The following LARGE1 variants were observed in gnomAD, a reference collection of about 807,000 sequenced individuals.
LARGE1 encodes xylosyl- and glucuronyltransferase LARGE1.
In LARGE1, 43 loss-of-function variants were observed where a neutral mutation model predicts 87.6. The ratio of observed to expected loss-of-function variants is 0.49; its 90% CI spans 0.38 to 0.63. LARGE1 has a LOEUF of 0.63. LARGE1 is among the 30% of genes least tolerant of loss of function. LARGE1 has a pLI of 0.00. For synonymous variants in LARGE1, 434 were observed against 394.6 expected (o/e 1.10, Z -1.18); for missense variants, 802 against 1,000.2 (o/e 0.80, Z 2.67).
In LARGE1 at chr22:33,772,566, T is replaced by C. The variant is rs2085103765; in HGVS notation, c.-82-11008A>G. 1.3e-5 allele frequency among the ~76,000 whole-genome samples: 2 copies of C among 152,180 alleles called. 1 individual carries two copies. Among genetic ancestry groups the C allele is most frequent in the South Asian group, 4.2e-4 (2 of 4,806 alleles). On this transcript the variant is annotated intron_variant, in intron 1 of 14. Coordinates refer to ENST00000397394, the MANE Select transcript of LARGE1 (RefSeq NM_133642.5). ...TTGGGCTCTTTGCTGGACTGCATCC[T>C]TATCCCTCTAGACTGGATCTTGAAT...
chr22:33,527,436 G>A (rs193021649), intron 6 of LARGE1, among the ~76,000 whole-genome samples: 1 of 152,352 alleles, frequency 6.6e-6, no homozygotes, highest in East Asian at 1.9e-4. Context: ...TGGAGACACA[G>A]AGCCAAGGCG....
At chr22:33,725,372 G>C (rs984402142) in intron 2 of LARGE1, among the ~76,000 whole-genome samples, 2 of 152,214 alleles carry the variant, frequency 1.3e-5, no homozygotes, top group African/African-American at 4.8e-5. Context: ...AGCAGCAACT[G>C]TGCAATAGTG....
At chr22:33,471,824 G>A (rs771203245) in intron 6 of LARGE1, among the ~76,000 whole-genome samples, 1 of 152,170 alleles carries the variant, frequency 6.6e-6, no homozygotes, top group Non-Finnish European at 1.5e-5. Flanking sequence ...CATGAGGTCA[G>A]GAGTTCTAGA....
At chr22:33,246,386 C>A (rs554012236) in intron 11 of LARGE1, among the ~76,000 whole-genome samples, 61 of 152,292 alleles carry the variant, frequency 4.0e-4, no homozygotes, top group Admixed American at 1.0e-3. Context: ...TGGCTCACCC[C>A]TTTAATCCTA....
At chr22:33,656,455 C>A (rs181514196) in intron 2 of LARGE1, among the ~76,000 whole-genome samples, 1 of 152,098 alleles carries the variant, frequency 6.6e-6, no homozygotes, top group Non-Finnish European at 1.5e-5. Context: ...ATTATGGGGG[C>A]TACAATTCAA....
the LARGE1 span, among the ~76,000 whole-genome samples, chr22:33,067,946 C>G: frequency 6.6e-6 from 1 of 151,826 alleles, no homozygotes; most frequent in East Asian, 1.9e-4. Flanking sequence ...CATCACTGCA[C>G]TCCAGCCCGG....
chr22:33,575,103 A>G (rs528352555), intron 5 of LARGE1, among the ~76,000 whole-genome samples: 2 of 152,230 alleles, frequency 1.3e-5, no homozygotes, highest in African/African-American at 4.8e-5. Flanking sequence ...CGTATTTTAA[A>G]ACCAGCACCC....
the LARGE1 span, among the ~76,000 whole-genome samples, chr22:33,103,396 G>A: frequency 8.6e-6 from 1 of 116,406 alleles, no homozygotes; most frequent in Non-Finnish European, 1.6e-5. Flanking sequence ...TTGTGCCACT[G>A]CACTCCAGCC....
intron 1 of LARGE1, among the ~76,000 whole-genome samples, chr22:33,891,449 A>AAC (rs1454850200): frequency 3.7e-4 from 56 of 152,132 alleles, no homozygotes; most frequent in Non-Finnish European, 1.5e-5. Context: ...TAAAAAAAAA[A>AAC]AAAACTGTAT....
intron 6 of LARGE1, among the ~76,000 whole-genome samples, chr22:33,485,468 G>A (rs923716757): frequency 9.2e-5 from 14 of 151,940 alleles, no homozygotes; most frequent in Admixed American, 3.3e-4. Flanking sequence ...CCACCCCCTC[G>A]GCCTCCCAAA....
At chr22:33,523,193 G>A (rs1169371010) in intron 6 of LARGE1, among the ~76,000 whole-genome samples, 5 of 151,750 alleles carry the variant, frequency 3.3e-5, no homozygotes, top group African/African-American at 1.2e-4. Context: ...TAGTAGAGAC[G>A]GGGTTTCACC....
the LARGE1 span, among the ~76,000 whole-genome samples, chr22:33,090,994 C>T: frequency 6.6e-6 from 1 of 152,152 alleles, no homozygotes; most frequent in African/African-American, 2.4e-5. Flanking sequence ...CTGTCATTGC[C>T]ATCCATCATC....
At chr22:33,896,315 G>C (rs1601870745) in intron 1 of LARGE1, among the ~76,000 whole-genome samples, 1 of 152,198 alleles carries the variant, frequency 6.6e-6, no homozygotes, top group South Asian at 2.1e-4. Context: ...TACACCACAT[G>C]GTGTTTAGCC....
intron 9 of LARGE1, among the ~76,000 whole-genome samples, chr22:33,367,528 C>A (rs1164734427): frequency 6.6e-6 from 1 of 152,098 alleles, no homozygotes; most frequent in African/African-American, 2.4e-5. Context: ...AGTAATCCTG[C>A]CTCAGCCTCT....
intron 3 of LARGE1, among the ~76,000 whole-genome samples, chr22:33,648,650 G>A (rs943812091): frequency 3.3e-5 from 5 of 152,342 alleles, no homozygotes; most frequent in Admixed American, 6.5e-5. Flanking sequence ...TAACGTGGCT[G>A]AATGCCCGTT....
intron 11 of LARGE1, among the ~76,000 whole-genome samples, chr22:33,246,408 G>A (rs943712537): frequency 1.3e-5 from 2 of 152,170 alleles, no homozygotes; most frequent in Admixed American, 1.3e-4. Context: ...CACTTTGGGA[G>A]GCTGAGCGGG....
At chr22:33,498,969 C>A (rs1009453543) in intron 6 of LARGE1, among the ~76,000 whole-genome samples, 1 of 151,614 alleles carries the variant, frequency 6.6e-6, no homozygotes, top group Non-Finnish European at 1.5e-5. Context: ...GAGATTCCGT[C>A]TCAAAAAAAT....
intron 7 of LARGE1, among the ~76,000 whole-genome samples, chr22:33,402,383 T>TA (rs2065953878): frequency 6.6e-6 from 1 of 152,170 alleles, no homozygotes. Flanking sequence ...CAGGCTTGAA[T>TA]AAAAGCCTCT....
chr22:33,362,876 C>G (rs931273553), intron 9 of LARGE1, among the ~76,000 whole-genome samples: 3 of 149,592 alleles, frequency 2.0e-5, no homozygotes, highest in African/African-American at 7.4e-5. Flanking sequence ...TGGAAGAGTC[C>G]TTAAGTTCTT....
Sources: gnomAD v4.1 joint callset for allele counts (sites outside exome capture counted in the v4.1 genomes callset) on GRCh38, gnomAD v4.1.1 for gene constraint, MANE v1.5 for transcripts, NCBI Gene and HGNC (gene_info 2026-07-23, HGNC 2026-07-21) for gene names.